The following BANP variants were observed in gnomAD, a reference collection of about 807,000 sequenced individuals.
The protein encoded by BANP is protein BANP.
In BANP, 11 loss-of-function variants were observed where a neutral mutation model predicts 68.1. The ratio of observed to expected loss-of-function variants is 0.16; its 90% confidence interval spans 0.10 to 0.27. The LOEUF (loss-of-function observed/expected upper bound fraction) is 0.27, where lower values mean the gene tolerates loss of function less well. BANP is among the 10% of genes least tolerant of loss of function. The probability of loss-of-function intolerance (pLI) is 1.00; values close to 1 mark genes in which losing one functional copy is unlikely to be tolerated. For synonymous variants in BANP, 329 were observed against 303.2 expected (o/e 1.09, Z -0.88); for missense variants, 504 against 722.7 (o/e 0.70, Z 3.47).
At chr16:88,040,412 T>G (rs1309368314) in intron 11 of BANP, among the ~76,000 whole-genome samples, 1 of 152,168 alleles carries the variant, frequency 6.6e-6, no homozygotes, top group Non-Finnish European at 1.5e-5. Context: ...TGTTGTCGAC[T>G]GGGCTAAGAA....
Position 88,002,499 on chromosome 16 carries a change from T to C in BANP, c.363-1796T>C, listed in dbSNP as rs1046864905. Among the ~76,000 whole-genome samples, 3 of 152,086 alleles carry C rather than the reference T, an allele frequency of 2.0e-5. No homozygotes were observed. The highest frequency in any genetic ancestry group is 4.4e-5 in the Non-Finnish European group (3 of 68,010). ...TTGTTTTTTAGGTGGGAAAAGGGCTTTGTGGAAGGGAACACACACATTGAG... is the reference window on the plus strand; with the variant it reads ...TTGTTTTTTAGGTGGGAAAAGGGCTCTGTGGAAGGGAACACACACATTGAG... On this transcript the variant is annotated intron_variant, in intron 4 of 13. Coordinates refer to ENST00000682872, the MANE Select transcript of BANP (RefSeq NM_001386991.1). The surrounding 1 kb of genome is among the most constrained non-coding windows in gnomAD (Gnocchi z 4.6).
intron 3 of BANP, 54 bp from the exon 4 acceptor site, chr16:87,984,006 G>A: frequency 6.4e-7 from 1 of 1,572,854 alleles, no homozygotes; most frequent in Non-Finnish European, 8.6e-7. Flanking sequence ...TCTTGGGGTT[G>A]TCTTCTTACA....
intron 11 of BANP, among the ~76,000 whole-genome samples, chr16:88,058,500 C>T (rs1010233343): frequency 6.6e-6 from 1 of 152,214 alleles, no homozygotes; most frequent in African/African-American, 2.4e-5. Context: ...TTCTGATCCA[C>T]AGACCAGAGC....
intron 7 of BANP, among the ~76,000 whole-genome samples, chr16:88,024,661 A>G (rs1267722440): frequency 6.6e-6 from 1 of 152,156 alleles, no homozygotes; most frequent in South Asian, 2.1e-4. Flanking sequence ...CTCCTCACCC[A>G]CTGCACTCTG....
At chr16:87,973,768 A>AAAAAAAAAG (rs2061546192) in intron 1 of BANP, among the ~76,000 whole-genome samples, 3 of 104,944 alleles carry the variant, frequency 2.9e-5, no homozygotes, top group East Asian at 4.9e-4. Context: ...AAAAAAAAAA[A>AAAAAAAAAG]AAAAAAGAAA....
rs1236496068 is a variant in BANP at position 88,004,285 on chromosome 16, TG to T, written c.363-9del. The T allele has an allele frequency of 2.7e-6, 4 of 1,473,716 alleles. No homozygotes were observed. Among genetic ancestry groups the T allele is most frequent in the Non-Finnish European group, 3.7e-6 (4 of 1,077,266 alleles). The allele number at this position is 1,473,716 out of a possible 1,614,324, so 91.3% of individuals were successfully genotyped here. ...GCCTTCTTTTTCTTTGTGATTCTTTTGTTCCCTAGCGTCGTCCCCCAGACTA... is the reference window on the plus strand; with the variant it reads ...GCCTTCTTTTTCTTTGTGATTCTTTTTTCCCTAGCGTCGTCCCCCAGACTA... On this transcript the variant is annotated splice_polypyrimidine_tract_variant and intron_variant, in intron 4 of 13. Transcript: ENST00000682872. The surrounding 1 kb of genome is among the most constrained non-coding windows in gnomAD (Gnocchi z 7.0).
intron 1 of BANP, among the ~76,000 whole-genome samples, chr16:87,960,911 G>A (rs761172260): frequency 2.6e-5 from 4 of 152,272 alleles, no homozygotes; most frequent in Non-Finnish European, 4.4e-5. Flanking sequence ...GTCAAGTGAA[G>A]TTGGAGTTTT....
chr16:87,983,107 C>G (rs994429978), intron 3 of BANP, among the ~76,000 whole-genome samples: 3 of 152,132 alleles, frequency 2.0e-5, no homozygotes, highest in Non-Finnish European at 2.9e-5. Flanking sequence ...ACTTTGGACC[C>G]CACGCTCTTT....
intron 2 of BANP, among the ~76,000 whole-genome samples, chr16:87,977,313 G>C (rs537385345): frequency 6.6e-5 from 10 of 152,194 alleles, no homozygotes; most frequent in Admixed American, 2.6e-4. Context: ...CAGCTGCTCA[G>C]GAGGCTGAGG....
At chr16:88,045,562 C>T (rs1346341873) in intron 11 of BANP, among the ~76,000 whole-genome samples, 20 of 152,288 alleles carry the variant, frequency 1.3e-4, no homozygotes, top group Non-Finnish European at 2.6e-4. Flanking sequence ...CTCGTTCATT[C>T]CCGGCAGAGA....
chr16:87,973,279 A>C (rs1434966169), intron 1 of BANP, among the ~76,000 whole-genome samples: 1 of 151,540 alleles, frequency 6.6e-6, no homozygotes, highest in African/African-American at 2.4e-5. Flanking sequence ...TGTTAGGGAC[A>C]GTTGATTGAT....
chr16:87,960,222 A>G (rs912841438), intron 1 of BANP, among the ~76,000 whole-genome samples: 4 of 152,222 alleles, frequency 2.6e-5, no homozygotes, highest in African/African-American at 9.6e-5. Flanking sequence ...TGGCCGTGGC[A>G]GGTGCCCACG....
At chr16:88,027,748 C>G in intron 8 of BANP, 98 bp downstream of exon 8, 3 of 1,433,956 alleles carry the variant, frequency 2.1e-6, no homozygotes, top group African/African-American at 1.4e-5. Context: ...AGCGGCTCCA[C>G]CAGTGGCCGG....
chr16:88,025,150 G>A (rs1268989785), intron 7 of BANP, among the ~76,000 whole-genome samples: 4 of 152,146 alleles, frequency 2.6e-5, no homozygotes, highest in Admixed American at 6.5e-5. Flanking sequence ...TTGCCCTCCC[G>A]GTGGCAGCAG....
intron 11 of BANP, among the ~76,000 whole-genome samples, chr16:88,040,136 C>T (rs1276425085): frequency 6.6e-6 from 1 of 152,152 alleles, no homozygotes; most frequent in Non-Finnish European, 1.5e-5. Flanking sequence ...GTACATGGCC[C>T]CTGCTTCTCT....
At chr16:88,005,065 C>A (rs576299669) in intron 5 of BANP, among the ~76,000 whole-genome samples, 16 of 152,324 alleles carry the variant, frequency 1.1e-4, no homozygotes, top group Non-Finnish European at 1.9e-4. Flanking sequence ...CTCTCAGTCT[C>A]CTTTGTGGAT....
At chr16:87,962,817 A>T (rs1371735382) in intron 1 of BANP, among the ~76,000 whole-genome samples, 1 of 151,992 alleles carries the variant, frequency 6.6e-6, no homozygotes, top group Non-Finnish European at 1.5e-5. Flanking sequence ...CTTTCCAGTT[A>T]TTTCCCATCT....
intron 4 of BANP, among the ~76,000 whole-genome samples, chr16:87,992,203 A>G (rs2066030002): frequency 2.0e-5 from 3 of 152,222 alleles, no homozygotes; most frequent in African/African-American, 7.2e-5. Flanking sequence ...TTCTCTTATC[A>G]TAAACCTGAC....
intron 4 of BANP, among the ~76,000 whole-genome samples, chr16:87,999,316 A>G (rs2068399971): frequency 7.0e-6 from 1 of 142,204 alleles, no homozygotes; most frequent in Non-Finnish European, 1.5e-5. Context: ...CAGGCCTTCC[A>G]GACACGTCTC....
Sources: allele counts gnomAD v4.1 joint callset (sites outside exome capture counted in the v4.1 genomes callset), GRCh38; gene constraint gnomAD v4.1.1; non-coding constraint Gnocchi (gnomAD v3.1); transcripts MANE v1.5; gene names NCBI Gene and HGNC (gene_info 2026-07-23, HGNC 2026-07-21).